The following RRM1 variants were observed in gnomAD, a reference collection of about 807,000 sequenced individuals.
RRM1 encodes ribonucleotide reductase catalytic subunit M1.
In RRM1, 19 loss-of-function variants were observed where a neutral mutation model predicts 101.5. That is an observed-to-expected ratio of 0.19 (90% CI 0.13 to 0.27). The LOEUF is 0.27. RRM1 is among the 10% of genes least tolerant of loss of function. The pLI is 1.00. For missense variants in RRM1, 500 were observed against 962.9 expected (o/e 0.52, Z 6.36); for synonymous variants, 298 against 323.4 (o/e 0.92, Z 0.84).
intron 2 of RRM1, among the ~76,000 whole-genome samples, chr11:4,104,955 A>T (rs1456745197): frequency 6.6e-6 from 1 of 152,184 alleles, no homozygotes; most frequent in African/African-American, 2.4e-5. Flanking sequence ...TCACTTAGGG[A>T]GAATCTGAAT....
Position 4,138,460 on chromosome 11 carries a change from C to T in RRM1, c.*77C>T, listed in dbSNP as rs562532769. Reference sequence around the variant, plus strand: ...AGCATAGATAGGTATAGTGGGTTTGCTTGAGGTGGTAAGGCTTTGCTGGAC... The same window carrying T: ...AGCATAGATAGGTATAGTGGGTTTGTTTGAGGTGGTAAGGCTTTGCTGGAC... On this transcript the variant is annotated 3_prime_UTR_variant, in exon 19 of 19. Transcript: ENST00000300738. 35 of 1,167,406 alleles carry T rather than the reference C, an allele frequency of 3.0e-5. No homozygotes were observed. Among genetic ancestry groups the T allele is most frequent in the South Asian group, 2.8e-4 (11 of 39,534 alleles). 72.3% of individuals were successfully genotyped at this position (1,167,406 alleles called of 1,614,324 possible). A position where few individuals can be genotyped will look rare whatever the true frequency, so the allele number is the denominator to read the frequency against.
upstream of RRM1, chr11:4,094,699 C>G: frequency 2.0e-6 from 1 of 507,420 alleles, no homozygotes; most frequent in East Asian, 3.1e-5. Flanking sequence ...TGGGTCTTGC[C>G]CAGACTCAAC....
rs530636480 is a variant in RRM1, at chr11:4,100,570, A to G, written c.20-1423A>G. On this transcript the variant is annotated intron_variant, in intron 1 of 18. Coordinates refer to ENST00000300738, the MANE Select transcript of RRM1 (RefSeq NM_001033.5). ...ATTTTGGATTAAGGATACTCAGCCT[A>G]TAGTTACAATGGATTGTAGGTGCAC... Among the ~76,000 whole-genome samples the G allele has an allele frequency of 5.1e-4, 78 of 152,364 alleles. 1 individual carries two copies. The highest frequency in any genetic ancestry group is 1.8e-3 in the African/African-American group (76 of 41,582).
At position 4,123,384 on chromosome 11, in the gene RRM1, G is replaced by A. The variant is rs867372674; in HGVS notation, c.1320G>A (p.Glu440=). ...TEIVEYTSKD[E]VAVCNLASLA... ...TAGTGGAGTACACCAGCAAAGATGA[G>A]GTAGGTAGAAAAAATTCTTCCTAGA... Residue 440 remains glutamate, a splice_region_variant and synonymous_variant, in exon 12 of 19, where the codon GAG becomes GAA. Coordinates refer to ENST00000300738, the MANE Select transcript of RRM1 (RefSeq NM_001033.5). 1.2e-6 allele frequency: 2 copies of A among 1,613,274 alleles called. No individual in the cohort carries two copies. The highest frequency in any genetic ancestry group is 1.7e-4 in the Middle Eastern group (1 of 6,058).
chr11:4,097,543 A>T (rs1360562714), intron 1 of RRM1, among the ~76,000 whole-genome samples: 1 of 149,628 alleles, frequency 6.7e-6, no homozygotes, highest in African/African-American at 2.5e-5. Context: ...CTTTTTTTGT[A>T]CCCCCTTATT....
In RRM1 at chr11:4,094,844, T is replaced by A. The variant is rs2094540663; in HGVS notation, c.-169T>A. ...GCGGGCGCGGGAAGGGGATTTGGAT[T>A]GTTGCGCCTCTGCTCTGAAGAAAGT... is the stretch of plus-strand genomic sequence containing the variant. On this transcript the variant is annotated 5_prime_UTR_variant, in exon 1 of 19. Transcript: ENST00000300738. 1.5e-6 allele frequency: 1 copy of A among 670,532 alleles called. No individual in the cohort carries two copies. The highest frequency in any genetic ancestry group is 2.6e-6 in the Non-Finnish European group (1 of 383,400). 41.5% of individuals were successfully genotyped at this position (670,532 alleles called of 1,614,324 possible).
rs757641473 is a variant in RRM1, at chr11:4,126,811, T to G, written c.1448T>G (p.Ile483Arg). The change falls in exon 13 of 19, where the codon ATA becomes AGA. Residue 483 changes from isoleucine to arginine, a missense_variant. Ile to Arg is a moderately conservative substitution (Grantham distance 97). Coordinates refer to ENST00000300738, the MANE Select transcript of RRM1 (RefSeq NM_001033.5). Reference protein sequence around the residue: ...VVRNLNKIIDINYYPVPEACL... With the variant: ...VVRNLNKIIDRNYYPVPEACL... ...CGAAACTTGAATAAAATTATTGATA[T>G]AAACTACTATCCTGTACCAGAGGTA... 6.2e-7 allele frequency: 1 copy of G among 1,612,652 alleles called. No homozygotes were observed. The highest frequency in any genetic ancestry group is 8.5e-7 in the Non-Finnish European group (1 of 1,178,990).
In RRM1 at chr11:4,118,481, C is replaced by G; in HGVS notation, c.792+20C>G. On this transcript the variant is annotated intron_variant, in intron 8 of 18. Coordinates refer to ENST00000300738, the MANE Select transcript of RRM1 (RefSeq NM_001033.5). The stretch of plus-strand genomic sequence containing the variant: ...GCTGGGGTAGGTTTCTGCCATTTGA[C>G]TTTTAAAGGGGGATTCAAGTCTAAA... 6.2e-7 allele frequency: 1 copy of G among 1,613,252 alleles called. No individual in the cohort carries two copies. Among genetic ancestry groups the G allele is most frequent in the African/African-American group, 1.3e-5 (1 of 74,998 alleles).
chr11:4,123,728 A>G (rs1299610187), intron 12 of RRM1, among the ~76,000 whole-genome samples: 2 of 152,206 alleles, frequency 1.3e-5, no homozygotes, highest in African/African-American at 4.8e-5. Flanking sequence ...GTAAGCCTTG[A>G]GCCTGGAAAG....
At chr11:4,118,244 T>C in intron 7 of RRM1, 76 bp from the exon 8 acceptor site, 1 of 1,341,542 alleles carries the variant, frequency 7.5e-7, no homozygotes, top group Non-Finnish European at 1.0e-6. Flanking sequence ...TGCCTTAGTG[T>C]CTTTGTGTTG....
At chr11:4,130,086 A>ATATATATATAT (rs1202870487) in intron 15 of RRM1, among the ~76,000 whole-genome samples, 15 of 99,448 alleles carry the variant, frequency 1.5e-4, no homozygotes, top group African/African-American at 8.0e-4. Flanking sequence ...ATATATATAT[A>ATATATATATAT]TTTTTTTTTT....
At chr11:4,130,745 G>A (rs567998357) in intron 15 of RRM1, among the ~76,000 whole-genome samples, 5 of 152,192 alleles carry the variant, frequency 3.3e-5, no homozygotes, top group Non-Finnish European at 7.4e-5. Context: ...TTATTTTGGA[G>A]CTCTTTCTCT....
chr11:4,119,903 G>A lies in RRM1; in HGVS notation c.851G>A (p.Arg284Gln). 1.3e-6 allele frequency: 2 copies of A among 1,599,718 alleles called. No individual in the cohort carries two copies. The highest frequency in any genetic ancestry group is 1.7e-6 in the Non-Finnish European group (2 of 1,167,388). Residue 284 changes from arginine (R) to glutamine (Q), a missense_variant, in exon 9 of 19, where the codon CGA (arginine) becomes CAA (glutamine). This residue lies in a region of RRM1 where 111 missense variants were observed against 219.8 expected (regional missense o/e 0.51). Transcript: ENST00000300738. ...PMLRVYNNTA[R>Q]YVDQGGNKRP... ...CTGAGAGTATATAACAACACAGCTCGATATGTGGATCAAGGTGGGAACAAG... is the reference window on the plus strand; with the variant it reads ...CTGAGAGTATATAACAACACAGCTCAATATGTGGATCAAGGTGGGAACAAG...
intron 18 of RRM1, among the ~76,000 whole-genome samples, chr11:4,137,628 T>C (rs112600701): frequency 3.0e-3 from 13 of 4,296 alleles, no homozygotes; most frequent in East Asian, 0.011. Context: ...GGGGGCTGAC[T>C]CCCCCCACCT....
intron 8 of RRM1, among the ~76,000 whole-genome samples, chr11:4,119,433 G>T (rs948193831): frequency 1.3e-5 from 2 of 152,110 alleles, no homozygotes; most frequent in Non-Finnish European, 2.9e-5. Flanking sequence ...TATAGCTATC[G>T]CATATAATTC....
chr11:4,122,366 C>G, intron 11 of RRM1, 146 bp downstream of exon 11: 1 of 577,740 alleles, frequency 1.7e-6, no homozygotes, highest in Non-Finnish European at 3.0e-6. Flanking sequence ...GATTTGCTTC[C>G]TGACTCTTCA....
chr11:4,116,000 G>A (rs2735689), intron 7 of RRM1: 59,247 of 152,136 alleles, frequency 0.39, 14,182 homozygotes, highest in Non-Finnish European at 0.54. Context: ...CAATAAGGCC[G>A]AGAGGCGAGA....
At chr11:4,126,037 G>C (rs962429648) in intron 12 of RRM1, among the ~76,000 whole-genome samples, 1 of 152,226 alleles carries the variant, frequency 6.6e-6, no homozygotes, top group African/African-American at 2.4e-5. Context: ...TGTGTTGCTA[G>C]TGCTAAACAT....
intron 12 of RRM1, 128 bp downstream of exon 12, chr11:4,123,512 C>T (rs2094584913): frequency 1.4e-6 from 1 of 725,312 alleles, no homozygotes; most frequent in Admixed American, 2.4e-5. Flanking sequence ...CAGAAGAACA[C>T]TGTTAAAGGC....
Sources: allele counts gnomAD v4.1 joint callset (sites outside exome capture counted in the v4.1 genomes callset), GRCh38; gene constraint gnomAD v4.1.1; regional missense constraint gnomAD v4.1.1; transcripts MANE v1.5; gene names NCBI Gene and HGNC (gene_info 2026-07-23, HGNC 2026-07-21).